Variants in LRTM2 observed in about 807,000 individuals in gnomAD.
The protein encoded by LRTM2 is leucine rich repeat transmembrane protein 2.
In LRTM2, 18 loss-of-function variants were observed where a neutral mutation model predicts 28.1. That is an observed-to-expected ratio of 0.64 (90% CI 0.44 to 0.95). The LOEUF (loss-of-function observed/expected upper bound fraction) is 0.95. Ranked by LOEUF, LRTM2 falls within the 40% of genes least tolerant of loss-of-function variation. The probability of loss-of-function intolerance (pLI) is 0.00; values close to 1 mark genes in which losing one functional copy is unlikely to be tolerated. For synonymous variants in LRTM2, 250 were observed against 218.7 expected, an observed-to-expected ratio of 1.14 and a Z score of -1.26; for missense variants, 436 against 497.2, an observed-to-expected ratio of 0.88 and a Z score of 1.17.
At chr12:1,822,645 G>A (rs1162264502) in intron 1 of LRTM2, among the ~76,000 whole-genome samples, 1 of 152,246 alleles carries the variant, frequency 6.6e-6, no homozygotes, top group Non-Finnish European at 1.5e-5. Context: ...GGCTGGGGGT[G>A]AGGATGGGGC....
In LRTM2 at chr12:1,831,015, C is replaced by A. The variant is rs1203840551; in HGVS notation, c.148C>A (p.Leu50Met). The A allele has an allele frequency of 6.2e-7, 1 of 1,614,150 alleles. No homozygotes were observed. Among genetic ancestry groups the A allele is most frequent in the East Asian group, 2.2e-5 (1 of 44,884 alleles). The change falls in exon 4 of 5, where the codon CTG becomes ATG. Residue 50 changes from leucine to methionine, a missense_variant. Transcript: ENST00000299194. The stretch of plus-strand genomic sequence containing the variant: ...CTCCTGCAAGTGTGACAGCCGCAGC[C>A]TGGAGGTGGACTGCAGTGGCCTTGG... ...PFSCKCDSRS[L>M]EVDCSGLGLT... is the part of the protein sequence containing the mutation.
In LRTM2 at chr12:1,829,238, C is replaced by T. The variant is rs577501701; in HGVS notation, c.67+1023C>T. The stretch of plus-strand genomic sequence containing the variant: ...CTGTCAGGCCCTTCTCTGGGAGGGG[C>T]GAGCGGCTTCTGGTGATGCAGATCC... On this transcript the variant is annotated intron_variant, in intron 3 of 4. Transcript: ENST00000299194. The surrounding 1 kb of genome is among the most constrained non-coding windows in gnomAD (Gnocchi z 4.2). Among the ~76,000 whole-genome samples the T allele has an allele frequency of 5.9e-5, 9 of 152,290 alleles. No homozygotes were observed. The highest frequency in any genetic ancestry group is 3.9e-4 in the Admixed American group (6 of 15,300).
Position 1,830,983 on chromosome 12 carries a change from G to A in LRTM2, c.116G>A (p.Cys39Tyr). ...ALYAVEALPT[C>Y]PFSCKCDSRS... ...TATGCTGTGGAGGCCCTCCCCACCT[G>A]CCCTTTCTCCTGCAAGTGTGACAGC... The change falls in exon 4 of 5, where the codon TGC (cysteine) becomes TAC (tyrosine). Residue 39 changes from cysteine to tyrosine, a missense_variant. Transcript: ENST00000299194. 2 of 1,613,714 alleles carry A rather than the reference G, an allele frequency of 1.2e-6. No homozygotes were observed. Among genetic ancestry groups the A allele is most frequent in the South Asian group, 2.2e-5 (2 of 91,006 alleles).
intron 1 of LRTM2, among the ~76,000 whole-genome samples, chr12:1,825,675 T>C (rs1378777571): frequency 1.3e-5 from 2 of 152,218 alleles, no homozygotes; most frequent in Non-Finnish European, 2.9e-5. Flanking sequence ...GGTGTGTGTT[T>C]GCATCACGTG....
chr12:1,834,469 G>GGAGCCC lies in LRTM2; in HGVS notation c.862_867dup (p.Glu288_Pro289dup). 6.2e-7 allele frequency: 1 copy of GGAGCCC among 1,610,640 alleles called. No individual in the cohort carries two copies. Among genetic ancestry groups the GGAGCCC allele is most frequent in the Non-Finnish European group, 8.5e-7 (1 of 1,179,804 alleles). ...CCAAGCCCGGGGCTGAGCCGGAGCCGGAGCCCAGCACAGCCTGCCCACAGA... is the reference window on the plus strand; with the variant it reads ...CCAAGCCCGGGGCTGAGCCGGAGCCGGAGCCCGAGCCCAGCACAGCCTGCCCACAGA... On this transcript the variant is annotated inframe_insertion, in exon 5 of 5. Transcript: ENST00000299194. This position sits in a 1 kb window ranked among gnomAD's most constrained non-coding sequence, Gnocchi z 7.6.
chr12:1,822,313 G>A (rs999891830), intron 1 of LRTM2, among the ~76,000 whole-genome samples: 2 of 152,140 alleles, frequency 1.3e-5, no homozygotes, highest in African/African-American at 4.8e-5. Flanking sequence ...GGAGGGGATG[G>A]CATGTATGTG....
At chr12:1,821,538 G>A (rs537585896) in intron 1 of LRTM2, among the ~76,000 whole-genome samples, 2 of 152,322 alleles carry the variant, frequency 1.3e-5, no homozygotes, top group African/African-American at 4.8e-5. Context: ...GAACCTGCTG[G>A]GGTGTCCCGC....
intron 3 of LRTM2, among the ~76,000 whole-genome samples, chr12:1,830,513 C>T (rs887069415): frequency 2.6e-5 from 4 of 152,228 alleles, no homozygotes; most frequent in African/African-American, 4.8e-5. Flanking sequence ...GGCATGGGAG[C>T]AGGTTTCTCT....
chr12:1,831,237 C>T lies in LRTM2; in HGVS notation c.370C>T (p.Arg124Cys), dbSNP rs981784654. ...DLTNLTELQL[R>C]NNSIRTLDRD... is the part of the protein sequence containing the mutation. The stretch of plus-strand genomic sequence containing the variant: ...GACGAATCTGACTGAGCTTCAGCTG[C>T]GCAATAACAGCATCAGGACCCTGGA... Residue 124 changes from arginine (R) to cysteine (C), a missense_variant, in exon 4 of 5, where the codon CGC (arginine) becomes TGC (cysteine). Arg to Cys is a radical substitution (Grantham distance 180, BLOSUM62 -3). Coordinates refer to ENST00000299194, the MANE Select transcript of LRTM2 (RefSeq NM_001039029.3). The T allele has an allele frequency of 6.2e-6, 10 of 1,613,698 alleles. No individual in the cohort carries two copies. Among genetic ancestry groups the T allele is most frequent in the South Asian group, 4.4e-5 (4 of 91,088 alleles).
chr12:1,822,908 C>A (rs1864165286), intron 1 of LRTM2, among the ~76,000 whole-genome samples: 1 of 152,200 alleles, frequency 6.6e-6, no homozygotes, highest in Non-Finnish European at 1.5e-5. Flanking sequence ...TGGCCACTCT[C>A]CGGGCTCCCT....
At chr12:1,827,908 GC>G in intron 2 of LRTM2, 167 bp from the exon 3 acceptor site, 1 of 409,356 alleles carries the variant, frequency 2.4e-6, no homozygotes. Flanking sequence ...CATCCCAGGG[GC>G]TTGAAGGCTT....
rs1864456513 is a variant in LRTM2, at chr12:1,828,386, G to C, written c.67+171G>C. Among the ~76,000 whole-genome samples the C allele has an allele frequency of 1.3e-5, 2 of 152,226 alleles. No individual in the cohort carries two copies. The highest frequency in any genetic ancestry group is 4.8e-5 in the African/African-American group (2 of 41,470). On this transcript the variant is annotated intron_variant, in intron 3 of 4. Transcript: ENST00000299194. The surrounding 1 kb of genome is among the most constrained non-coding windows in gnomAD (Gnocchi z 4.2). ...CTGGGAAGCCAGGGTCACGCCCACGGTGACAGCATCCCTGCCAGTCAGAGT... is the reference window on the plus strand; with the variant it reads ...CTGGGAAGCCAGGGTCACGCCCACGCTGACAGCATCCCTGCCAGTCAGAGT...
chr12:1,828,300 G>A lies in LRTM2; in HGVS notation c.67+85G>A. 11 of 1,211,314 alleles carry A rather than the reference G, an allele frequency of 9.1e-6. No individual in the cohort carries two copies. Among genetic ancestry groups the A allele is most frequent in the South Asian group, 1.6e-5 (1 of 63,882 alleles). The allele number at this position is 1,211,314 out of a possible 1,614,324, so 75.0% of individuals were successfully genotyped here. ...GTAGGTAGCGCCATATGGGACCTTA[G>A]CCACACTCAGGCTGCAGGGAGGCCT... On this transcript the variant is annotated intron_variant, in intron 3 of 4. Coordinates refer to ENST00000299194, the MANE Select transcript of LRTM2 (RefSeq NM_001039029.3). The surrounding 1 kb of genome is among the most constrained non-coding windows in gnomAD (Gnocchi z 4.2).
chr12:1,828,047 C>A lies in LRTM2; in HGVS notation c.-73-29C>A. On this transcript the variant is annotated intron_variant, in intron 2 of 4. Transcript: ENST00000299194. The surrounding 1 kb of genome is among the most constrained non-coding windows in gnomAD (Gnocchi z 4.2). The stretch of plus-strand genomic sequence containing the variant: ...GGCTGGAACGGGGCTCCCGCGCCTG[C>A]CTGTGCTCAGTGCTCCTCCCTCCCT... 2 of 1,169,376 alleles carry A rather than the reference C, an allele frequency of 1.7e-6. No individual in the cohort carries two copies. Among genetic ancestry groups the A allele is most frequent in the Non-Finnish European group, 2.3e-6 (2 of 871,276 alleles). 72.4% of individuals were successfully genotyped at this position (1,169,376 alleles called of 1,614,324 possible).
rs1019144115 is a variant in LRTM2 at position 1,833,750 on chromosome 12, G to C, written c.659-517G>C. Among the ~76,000 whole-genome samples, 1 of 152,216 alleles carries C rather than the reference G, an allele frequency of 6.6e-6. No homozygotes were observed. The highest frequency in any genetic ancestry group is 2.4e-5 in the African/African-American group (1 of 41,454). ...GGAGGGGCAGCGGCAGGGGCAGTGG[G>C]TTTTGACTGCTGTCCTTTGAGTGAG... On this transcript the variant is annotated intron_variant, in intron 4 of 4. Transcript: ENST00000299194. This position sits in a 1 kb window ranked among gnomAD's most constrained non-coding sequence, Gnocchi z 4.2.
chr12:1,834,723 C>T lies in LRTM2; in HGVS notation c.*2C>T, dbSNP rs375560200. The T allele has an allele frequency of 1.3e-4, 201 of 1,581,580 alleles. No individual in the cohort carries two copies. The highest frequency in any genetic ancestry group is 1.6e-4 in the Non-Finnish European group (184 of 1,165,622). ...AAGCAGATCTCTTCTGTGGCCTGAG[C>T]GCCCATCCCCACCCGGCCAGGTAGG... is the stretch of plus-strand genomic sequence containing the variant. On this transcript the variant is annotated 3_prime_UTR_variant, in exon 5 of 5. Transcript: ENST00000299194. This position sits in a 1 kb window ranked among gnomAD's most constrained non-coding sequence, Gnocchi z 7.6.
Position 1,829,381 on chromosome 12 carries a change from C to T in LRTM2, c.67+1166C>T, listed in dbSNP as rs369177787. ...TGGGGCTGGCTGATCTGGTAGCAGA[C>T]GGGCTCAGAGGGGTGAGAGGGTGAG... On this transcript the variant is annotated intron_variant, in intron 3 of 4. Coordinates refer to ENST00000299194, the MANE Select transcript of LRTM2 (RefSeq NM_001039029.3). The surrounding 1 kb of genome is among the most constrained non-coding windows in gnomAD (Gnocchi z 4.2). Among the ~76,000 whole-genome samples the T allele has an allele frequency of 6.6e-5, 10 of 152,094 alleles. No homozygotes were observed. The highest frequency in any genetic ancestry group is 1.9e-4 in the East Asian group (1 of 5,148).
In LRTM2 at chr12:1,820,569, C is replaced by T. The variant is rs944661236; in HGVS notation, c.-504C>T. On this transcript the variant is annotated 5_prime_UTR_variant, in exon 1 of 5. Coordinates refer to ENST00000299194, the MANE Select transcript of LRTM2 (RefSeq NM_001039029.3). The surrounding 1 kb of genome is among the most constrained non-coding windows in gnomAD (Gnocchi z 6.0). ...CTCCTCTCTCTCTCTCCCTCCATCC[C>T]TCTCTTTCCTTCTCAGTTTGTGACT... 1 of 152,476 alleles carries T rather than the reference C, an allele frequency of 6.6e-6. No homozygotes were observed. Among genetic ancestry groups the T allele is most frequent in the African/African-American group, 2.4e-5 (1 of 41,470 alleles). The allele number at this position is 152,476 out of a possible 1,614,324, so 9.4% of individuals were successfully genotyped here. A position where few individuals can be genotyped will look rare whatever the true frequency, so the allele number is the denominator to read the frequency against.
intron 1 of LRTM2, among the ~76,000 whole-genome samples, chr12:1,821,526 G>A (rs1864101206): frequency 3.9e-5 from 6 of 152,208 alleles, no homozygotes; most frequent in Admixed American, 3.9e-4. Flanking sequence ...CCAGGCCCGC[G>A]AGAACCTGCT....
Sources: allele counts gnomAD v4.1 joint callset (sites outside exome capture counted in the v4.1 genomes callset), GRCh38; gene constraint gnomAD v4.1.1; non-coding constraint Gnocchi (gnomAD v3.1); transcripts MANE v1.5; gene names NCBI Gene and HGNC (gene_info 2026-07-23, HGNC 2026-07-21).